Variants in MGAT4C observed in about 807,000 individuals in gnomAD.
The protein encoded by MGAT4C is MGAT4 family member C.
Under a neutral mutation model 40.1 loss-of-function variants are expected in MGAT4C, and 19 were observed. That is an observed-to-expected ratio of 0.47 (90% CI 0.33 to 0.70). The LOEUF is 0.70. MGAT4C is among the 30% of genes least tolerant of loss of function. The probability of loss-of-function intolerance (pLI) is 0.02; values close to 1 mark genes in which losing one functional copy is unlikely to be tolerated. For synonymous variants in MGAT4C, 181 were observed against 187.1 expected (o/e 0.97, Z 0.27); for missense variants, 491 against 563.2 (o/e 0.87, Z 1.30).
chr12:86,360,728 C>T (rs574122239), intron 3 of MGAT4C, among the ~76,000 whole-genome samples: 1 of 152,272 alleles, frequency 6.6e-6, no homozygotes, highest in East Asian at 1.9e-4. Flanking sequence ...AGTAAACTCT[C>T]ATTCACAATT....
intron 2 of MGAT4C, among the ~76,000 whole-genome samples, chr12:86,650,040 CTTAA>C (rs1963652985): frequency 6.6e-6 from 1 of 151,842 alleles, no homozygotes; most frequent in Admixed American, 6.6e-5. Context: ...GAACACAATT[CTTAA>C]TTAAGTCATG....
intron 1 of MGAT4C, among the ~76,000 whole-genome samples, chr12:86,085,582 T>C (rs867545527): frequency 2.6e-5 from 4 of 152,078 alleles, no homozygotes; most frequent in Non-Finnish European, 4.4e-5. Context: ...AGTACCATGC[T>C]ATCGTCAGAG....
intron 1 of MGAT4C, among the ~76,000 whole-genome samples, chr12:86,733,111 A>G (rs1950936823): frequency 6.6e-6 from 1 of 152,162 alleles, no homozygotes; most frequent in Non-Finnish European, 1.5e-5. Context: ...TCTATCCAGT[A>G]TAAAGAAAGG....
chr12:86,424,496 C>G (rs1009951114), intron 3 of MGAT4C, among the ~76,000 whole-genome samples: 2 of 152,084 alleles, frequency 1.3e-5, no homozygotes, highest in African/African-American at 4.8e-5. Context: ...TTCAAGGGTA[C>G]CATTCCACCA....
At chr12:86,565,875 C>T (rs971874245) in intron 2 of MGAT4C, among the ~76,000 whole-genome samples, 1 of 152,102 alleles carries the variant, frequency 6.6e-6, no homozygotes, top group Non-Finnish European at 1.5e-5. Context: ...ACAAAGTGGC[C>T]ATGGGGGCAG....
intron 3 of MGAT4C, among the ~76,000 whole-genome samples, chr12:86,392,247 G>A (rs6538038): frequency 0.73 from 110,131 of 151,874 alleles, 40,166 homozygotes; most frequent in East Asian, 0.89. Context: ...CAAGGCAGGC[G>A]GATCACCTGA....
At position 86,414,652 on chromosome 12, in the gene MGAT4C, T is replaced by C. The variant is rs1006243680; in HGVS notation, c.-120+20505A>G. 1.3e-5 allele frequency among the ~76,000 whole-genome samples: 2 copies of C among 152,160 alleles called. 1 individual carries two copies. Among genetic ancestry groups the C allele is most frequent in the Admixed American group, 1.3e-4 (2 of 15,262 alleles). On this transcript the variant is annotated intron_variant, in intron 3 of 7. Coordinates refer to the MGAT4C transcript ENST00000548651. ...TGTTGAAGATCTATAATCTTAATCA[T>C]TGTGTCTTTTCTTGTTTTTCTAACT...
chr12:85,999,166 T>C (rs557894198), intron 2 of MGAT4C, among the ~76,000 whole-genome samples: 1 of 152,240 alleles, frequency 6.6e-6, no homozygotes, highest in South Asian at 2.1e-4. Context: ...TTCACTATCA[T>C]GAGAACAGCA....
Position 86,039,653 on chromosome 12 carries a change from C to G in MGAT4C, c.-7+10021G>C, listed in dbSNP as rs542743560. 2.0e-5 allele frequency among the ~76,000 whole-genome samples: 3 copies of G among 152,092 alleles called. No homozygotes were observed. In the South Asian group the frequency reaches 6.2e-4, roughly 32 times the overall value. Reference sequence around the variant, plus strand: ...TTTTTCAAGGCTCTTAGCTTCCTTGCAGTTGGTTAGAACACGCTCCTTTAG... The same window carrying G: ...TTTTTCAAGGCTCTTAGCTTCCTTGGAGTTGGTTAGAACACGCTCCTTTAG... On this transcript the variant is annotated intron_variant, in intron 2 of 4. Transcript: ENST00000611864.
intron 2 of MGAT4C, among the ~76,000 whole-genome samples, chr12:86,580,767 T>G (rs886153863): frequency 1.1e-4 from 16 of 151,448 alleles, no homozygotes; most frequent in African/African-American, 3.9e-4. Context: ...TCCATTTTCT[T>G]CTCTATATGC....
At chr12:86,815,298 A>G (rs977922870) in intron 1 of MGAT4C, among the ~76,000 whole-genome samples, 6 of 152,054 alleles carry the variant, frequency 3.9e-5, no homozygotes, top group Non-Finnish European at 8.8e-5. Context: ...ACAACGCAAT[A>G]CCGCCTTGCT....
chr12:86,026,194 G>A (rs1890223288), intron 2 of MGAT4C, among the ~76,000 whole-genome samples: 1 of 151,786 alleles, frequency 6.6e-6, no homozygotes, highest in African/African-American at 2.4e-5. Context: ...AATTACATAA[G>A]CAATGCAAGA....
At chr12:86,058,503 T>C (rs12318815) in intron 1 of MGAT4C, among the ~76,000 whole-genome samples, 85,535 of 151,882 alleles carry the variant, frequency 0.56, 24,851 homozygotes, top group East Asian at 0.93. Flanking sequence ...TTCTTTAAAA[T>C]TGGGAAATGC....
At chr12:85,991,669 C>T (rs976763203) in intron 2 of MGAT4C, among the ~76,000 whole-genome samples, 7 of 152,302 alleles carry the variant, frequency 4.6e-5, no homozygotes, top group African/African-American at 1.7e-4. Flanking sequence ...GCTGACATTA[C>T]AGGCATGAAT....
At chr12:86,236,962 C>G (rs1464707092) in intron 1 of MGAT4C, among the ~76,000 whole-genome samples, 1 of 150,920 alleles carries the variant, frequency 6.6e-6, no homozygotes, top group Non-Finnish European at 1.5e-5. Flanking sequence ...TATCGTATGT[C>G]CCGTTAGCTC....
intron 2 of MGAT4C, among the ~76,000 whole-genome samples, chr12:86,725,538 G>T (rs1401789788): frequency 2.6e-5 from 4 of 152,020 alleles, no homozygotes; most frequent in Non-Finnish European, 4.4e-5. Context: ...TCGGCTCACT[G>T]CAACCTCCGC....
At chr12:86,482,174 C>A (rs562553908) in intron 2 of MGAT4C, among the ~76,000 whole-genome samples, 1 of 151,254 alleles carries the variant, frequency 6.6e-6, no homozygotes, top group South Asian at 2.1e-4. Context: ...TATTCTTAGA[C>A]CATTTTCAAA....
At chr12:86,761,926 C>T (rs749789325) in intron 1 of MGAT4C, among the ~76,000 whole-genome samples, 2 of 151,982 alleles carry the variant, frequency 1.3e-5, no homozygotes, top group Non-Finnish European at 2.9e-5. Context: ...GAATAATATT[C>T]ATAGTTTCTT....
At chr12:86,589,145 T>C (rs1356866611) in intron 2 of MGAT4C, among the ~76,000 whole-genome samples, 3 of 151,898 alleles carry the variant, frequency 2.0e-5, no homozygotes, top group South Asian at 2.1e-4. Context: ...ACAAAATTGA[T>C]AGACCGCTGG....
Sources: gnomAD v4.1 joint callset for allele counts (sites outside exome capture counted in the v4.1 genomes callset) on GRCh38, gnomAD v4.1.1 for gene constraint, MANE v1.5 for transcripts, NCBI Gene and HGNC (gene_info 2026-07-23, HGNC 2026-07-21) for gene names.